STEEP1: variants seen among roughly 807,000 people sequenced by gnomAD.
The protein encoded by STEEP1 is STING ER exit protein.
In STEEP1, 3 loss-of-function variants were observed where a neutral mutation model predicts 19.2. That is an observed-to-expected ratio of 0.16 (90% confidence interval 0.07 to 0.40). The LOEUF (loss-of-function observed/expected upper bound fraction) is 0.40. Among genes scored for constraint, STEEP1 ranks in the 10% least tolerant of loss-of-function variants. The probability of loss-of-function intolerance (pLI) is 0.99; values close to 1 mark genes in which losing one functional copy is unlikely to be tolerated. For missense variants in STEEP1, 54 were observed against 177.1 expected (o/e 0.30, Z 3.94); for synonymous variants, 46 against 63.7 (o/e 0.72, Z 1.32).
rs60424721 is a variant in STEEP1 at position 119,556,582 on chromosome X, C to CA, written c.242+3685dup. 8.5e-3 allele frequency among the ~76,000 whole-genome samples: 596 copies of CA among 70,521 alleles called. 7 individuals are homozygous for CA. The highest frequency in any genetic ancestry group is 0.027 in the African/African-American group (492 of 18,251). The allele number at this position is 70,521 out of a possible 115,157, so 61.2% of individuals were successfully genotyped here. A position where few individuals can be genotyped will look rare whatever the true frequency, so the allele number is the denominator to read the frequency against. ...TGGGTGACAGAGCGAGACTCCGTCT[C>CA]AAAAAAAAAAAAAAAAAGAGTGTCA... is the stretch of plus-strand genomic sequence containing the variant. On this transcript the variant is annotated intron_variant, in intron 2 of 6. Coordinates refer to ENST00000644802, the MANE Select transcript of STEEP1 (RefSeq NM_022101.4).
At chrX:119,548,206 G>A (rs1338326813) in intron 2 of STEEP1, among the ~76,000 whole-genome samples, 1 of 109,249 alleles carries the variant, frequency 9.2e-6, no homozygotes, top group Non-Finnish European at 1.9e-5. Context: ...AAACCATAAT[G>A]AGATATCCTC....
At chrX:119,546,620 C>A (rs2053207812) in intron 2 of STEEP1, among the ~76,000 whole-genome samples, 1 of 110,521 alleles carries the variant, frequency 9.0e-6, no homozygotes, top group Non-Finnish European at 1.9e-5. Context: ...CCCAGGCAGT[C>A]AAGCTCAAGA....
intron 6 of STEEP1, among the ~76,000 whole-genome samples, 163 bp from the exon 7 acceptor site, chrX:119,539,952 T>G (rs749146098): frequency 8.9e-6 from 1 of 111,827 alleles, no homozygotes; most frequent in Non-Finnish European, 1.9e-5. Context: ...TTTCCAACCT[T>G]TCTGATGTTA....
chrX:119,555,767 G>A (rs1305748462), intron 2 of STEEP1, among the ~76,000 whole-genome samples: 3 of 111,032 alleles, frequency 2.7e-5, no homozygotes, highest in Non-Finnish European at 5.7e-5. Context: ...AGGCAGAATC[G>A]ACAGTACATG....
intron 2 of STEEP1, among the ~76,000 whole-genome samples, chrX:119,556,282 C>T (rs1055422782): frequency 9.0e-6 from 1 of 110,862 alleles, no homozygotes; most frequent in African/African-American, 3.3e-5. Flanking sequence ...TTTACAGACA[C>T]TCGTGTATAG....
At chrX:119,558,963 T>A (rs1184338894) in intron 2 of STEEP1, among the ~76,000 whole-genome samples, 1 of 110,583 alleles carries the variant, frequency 9.0e-6, no homozygotes. Context: ...ACCCCTCTAA[T>A]CCCAGCACTT....
At chrX:119,545,847 C>T (rs950191645) in intron 2 of STEEP1, among the ~76,000 whole-genome samples, 18 of 100,587 alleles carry the variant, frequency 1.8e-4, no homozygotes, top group Non-Finnish European at 3.0e-4. Context: ...GAGCCGAGAG[C>T]GAGCCATTGC....
At chrX:119,548,527 T>G (rs2053221900) in intron 2 of STEEP1, among the ~76,000 whole-genome samples, 1 of 50,252 alleles carries the variant, frequency 2.0e-5, no homozygotes, top group Non-Finnish European at 3.3e-5. Flanking sequence ...AGTAAGACTC[T>G]GTCTCAAAAA....
At chrX:119,561,562 G>A (rs1400699453) in intron 1 of STEEP1, among the ~76,000 whole-genome samples, 1 of 110,406 alleles carries the variant, frequency 9.1e-6, no homozygotes, top group Non-Finnish European at 1.9e-5. Flanking sequence ...CAGCTAGTTG[G>A]GAAGCTGAGG....
rs1316138476 is a variant in STEEP1 at position 119,539,548 on chromosome X, A to G, written c.*179T>C. 3.1e-6 allele frequency: 1 copy of G among 326,939 alleles called. No individual in the cohort carries two copies. Among genetic ancestry groups the G allele is most frequent in the Non-Finnish European group, 5.3e-6 (1 of 187,518 alleles). 26.9% of individuals were successfully genotyped at this position (326,939 alleles called of 1,213,427 possible). A position where few individuals can be genotyped will look rare whatever the true frequency, so the allele number is the denominator to read the frequency against. On this transcript the variant is annotated 3_prime_UTR_variant, in exon 7 of 7. Coordinates refer to ENST00000644802, the MANE Select transcript of STEEP1 (RefSeq NM_022101.4). ...TTTATCTCAAAAAAAAAAAAAAAAAAAAGAAAGCAAGTTAAATGGACTCAG... is the reference window on the plus strand; with the variant it reads ...TTTATCTCAAAAAAAAAAAAAAAAAGAAGAAAGCAAGTTAAATGGACTCAG...
chrX:119,546,977 A>G (rs1452407360), intron 2 of STEEP1, among the ~76,000 whole-genome samples: 2 of 111,059 alleles, frequency 1.8e-5, no homozygotes, highest in Non-Finnish European at 3.8e-5. Flanking sequence ...ATAAAACAAA[A>G]AATATCTTCC....
Position 119,545,654 on chromosome X carries a change from T to C in STEEP1, c.243-150A>G, listed in dbSNP as rs1200025950. ...GCTCACGCCTGTAATCCCAGCACTC[T>C]GGGAGGCTGAGGCGGGCGGATCACC... On this transcript the variant is annotated intron_variant, in intron 2 of 6. Transcript: ENST00000644802. 5 of 388,506 alleles carry C rather than the reference T, an allele frequency of 1.3e-5. No homozygotes were observed. The Admixed American group carries it at 1.6e-4, about 13-fold the overall frequency. 32.0% of individuals were successfully genotyped at this position (388,506 alleles called of 1,213,427 possible). A position where few individuals can be genotyped will look rare whatever the true frequency, so the allele number is the denominator to read the frequency against.
Position 119,558,248 on chromosome X carries a change from C to G in STEEP1, c.242+2020G>C, listed in dbSNP as rs1345924230. On this transcript the variant is annotated intron_variant, in intron 2 of 6. Transcript: ENST00000644802. The stretch of plus-strand genomic sequence containing the variant: ...ATGGCAGCTCTAGAAAACTAATACA[C>G]TGGCGGCCGGGCACGATGGCTCACG... Among the ~76,000 whole-genome samples the G allele has an allele frequency of 3.6e-5, 4 of 111,208 alleles. No homozygotes were observed. The East Asian group carries it at 1.1e-3, about 32-fold the overall frequency.
intron 2 of STEEP1, among the ~76,000 whole-genome samples, chrX:119,555,717 C>G (rs1194902002): frequency 9.0e-6 from 1 of 110,566 alleles, no homozygotes; most frequent in Non-Finnish European, 1.9e-5. Context: ...GGCAGTGCAG[C>G]AGGGCTGAAC....
chrX:119,553,023 G>A (rs1211131073), intron 2 of STEEP1, among the ~76,000 whole-genome samples: 2 of 109,764 alleles, frequency 1.8e-5, no homozygotes, highest in East Asian at 2.9e-4. Context: ...GTATGATGGC[G>A]GGTGCCTGTA....
At chrX:119,548,585 G>A (rs1293313008) in intron 2 of STEEP1, among the ~76,000 whole-genome samples, 3 of 108,892 alleles carry the variant, frequency 2.8e-5, no homozygotes, top group African/African-American at 6.7e-5. Flanking sequence ...GGGAGGATGT[G>A]GAGAAAAGGG....
intron 1 of STEEP1, 77 bp from the exon 2 acceptor site, chrX:119,560,462 A>G: frequency 1.6e-6 from 1 of 642,335 alleles, no homozygotes; most frequent in Non-Finnish European, 2.6e-6. Flanking sequence ...TATCCTGAGA[A>G]GTTTTGAGTG....
At chrX:119,546,817 T>A (rs1327578209) in intron 2 of STEEP1, among the ~76,000 whole-genome samples, 1 of 111,704 alleles carries the variant, frequency 9.0e-6, no homozygotes, top group Non-Finnish European at 1.9e-5. Flanking sequence ...TGTCTGCTTG[T>A]CTCCACGTTC....
At chrX:119,557,488 AAAAAAAAGAAAAAAG>A (rs2053289343) in intron 2 of STEEP1, among the ~76,000 whole-genome samples, 2 of 73,651 alleles carry the variant, frequency 2.7e-5, no homozygotes, top group African/African-American at 4.4e-5. Flanking sequence ...CAAAAAAAAA[AAAAAAAAGAAAAAAG>A]AAAAAAGAAA....
Sources: gnomAD v4.1 joint callset for allele counts (sites outside exome capture counted in the v4.1 genomes callset) on GRCh38, gnomAD v4.1.1 for gene constraint, MANE v1.5 for transcripts, NCBI Gene and HGNC (gene_info 2026-07-23, HGNC 2026-07-21) for gene names.